The following SEMA6D variants were observed in gnomAD, a reference collection of about 807,000 sequenced individuals.
SEMA6D encodes the protein semaphorin-6D.
A neutral mutation model predicts 106.6 loss-of-function variants in SEMA6D; 35 were observed. The observed-to-expected ratio is 0.33, with a 90% CI of 0.25 to 0.44. The LOEUF is 0.44. SEMA6D is among the 20% of genes least tolerant of loss of function. The pLI, the probability that SEMA6D is intolerant of heterozygous loss-of-function variation, is 1.00. For synonymous variants in SEMA6D, 499 were observed against 487.7 expected, an observed-to-expected ratio of 1.02 and a Z score of -0.31; for missense variants, 1,185 against 1,345.9, an observed-to-expected ratio of 0.88 and a Z score of 1.87.
chr15:47,700,901 G>T (rs967050540), intron 4 of SEMA6D, among the ~76,000 whole-genome samples: 2 of 152,058 alleles, frequency 1.3e-5, no homozygotes, highest in African/African-American at 4.8e-5. Flanking sequence ...GTAACAACTG[G>T]ATACACACTT....
chr15:47,220,521 C>A (rs1452595365), intron 1 of SEMA6D, among the ~76,000 whole-genome samples: 1 of 152,172 alleles, frequency 6.6e-6, no homozygotes, highest in Non-Finnish European at 1.5e-5. Flanking sequence ...AACTGCTTGT[C>A]TGAGGAGTTT....
intron 4 of SEMA6D, among the ~76,000 whole-genome samples, chr15:47,636,433 G>A (rs2077390061): frequency 6.6e-6 from 1 of 152,098 alleles, no homozygotes; most frequent in Admixed American, 6.5e-5. Context: ...TTATGGTAGA[G>A]GTTCAGGCTG....
intron 1 of SEMA6D, among the ~76,000 whole-genome samples, chr15:47,270,410 ACAATTAAAATAGTTT>A (rs2034505023): frequency 3.9e-5 from 6 of 151,938 alleles, no homozygotes; most frequent in Admixed American, 3.9e-4. Flanking sequence ...ATACCATCTG[ACAATTAAAATAGTTT>A]TCTTTAAATC....
chr15:47,770,379 C>T, intron 18 of SEMA6D, 118 bp from the exon 19 acceptor site: 1 of 776,550 alleles, frequency 1.3e-6, no homozygotes, highest in Non-Finnish European at 2.0e-6. Context: ...TCTACTTGAC[C>T]CTCCGAGCTA....
At chr15:47,543,626 A>G (rs1330192243) in intron 3 of SEMA6D, among the ~76,000 whole-genome samples, 5 of 152,124 alleles carry the variant, frequency 3.3e-5, no homozygotes, top group Admixed American at 1.3e-4. Context: ...TACACCTACT[A>G]TGTCACCTAT....
intron 4 of SEMA6D, among the ~76,000 whole-genome samples, chr15:47,630,669 T>C (rs938963003): frequency 6.6e-6 from 1 of 151,960 alleles, no homozygotes; most frequent in Admixed American, 6.6e-5. Context: ...TCTTGCTTTG[T>C]TCTGACCCCT....
chr15:47,359,840 G>C (rs1656534142), intron 1 of SEMA6D: 1 of 152,106 alleles, frequency 6.6e-6, no homozygotes, highest in African/African-American at 2.4e-5. Context: ...GCATAGTTTT[G>C]AGGGGATCAA....
chr15:47,682,804 G>T (rs183745771), intron 4 of SEMA6D, among the ~76,000 whole-genome samples: 1 of 152,066 alleles, frequency 6.6e-6, no homozygotes, highest in African/African-American at 2.4e-5. Flanking sequence ...TCATTTGCCC[G>T]CAGTACGTAA....
Position 47,285,309 on chromosome 15 carries a change from G to A in SEMA6D, c.-239+100891G>A, listed in dbSNP as rs1186330581. Among the ~76,000 whole-genome samples the A allele has an allele frequency of 8.6e-5, 13 of 151,946 alleles. No homozygotes were observed. In the East Asian group the frequency reaches 1.9e-3, roughly 23 times the overall value. On this transcript the variant is annotated intron_variant, in intron 1 of 19. Coordinates refer to the SEMA6D transcript ENST00000558014. ...TTCTAGTGGCTGATTCAGAGTAGAGGAAATATATAATCTCCAGCAAGGACA... is the reference window on the plus strand; with the variant it reads ...TTCTAGTGGCTGATTCAGAGTAGAGAAAATATATAATCTCCAGCAAGGACA...
At chr15:47,189,897 A>G (rs1893847563) in intron 1 of SEMA6D, among the ~76,000 whole-genome samples, 2 of 152,232 alleles carry the variant, frequency 1.3e-5, no homozygotes, top group Admixed American at 6.5e-5. Context: ...TAAAATTTTC[A>G]TCAAATTAAT....
At position 47,355,989 on chromosome 15, in the gene SEMA6D, A is replaced by G. The variant is rs2038550223; in HGVS notation, c.-238-56404A>G. Among the ~76,000 whole-genome samples, 5 of 152,334 alleles carry G rather than the reference A, an allele frequency of 3.3e-5. No homozygotes were observed. The South Asian group carries it at 1.0e-3, about 32-fold the overall frequency. ...AGGCATAGTGAGCTCTGAGAATTTC[A>G]GAGCTCCAAAGAGGGACAGTCTAAC... On this transcript the variant is annotated intron_variant, in intron 1 of 19. Coordinates refer to the SEMA6D transcript ENST00000558014.
chr15:47,690,053 G>T (rs2078552903), intron 4 of SEMA6D, among the ~76,000 whole-genome samples: 1 of 152,190 alleles, frequency 6.6e-6, no homozygotes, highest in African/African-American at 2.4e-5. Flanking sequence ...TCTATGCAGG[G>T]GAGTGTTTCT....
At chr15:47,365,352 G>A (rs1229350054) in intron 1 of SEMA6D, among the ~76,000 whole-genome samples, 1 of 152,128 alleles carries the variant, frequency 6.6e-6, no homozygotes, top group African/African-American at 2.4e-5. Flanking sequence ...TCATGTCCCT[G>A]CCCTACAACA....
At chr15:47,209,503 C>T (rs1895339981) in intron 1 of SEMA6D, among the ~76,000 whole-genome samples, 2 of 152,026 alleles carry the variant, frequency 1.3e-5, no homozygotes, top group Admixed American at 1.3e-4. Context: ...AAAGTAATGC[C>T]CAAAGAATCA....
At chr15:47,557,669 G>T (rs1596314731) in intron 3 of SEMA6D, among the ~76,000 whole-genome samples, 1 of 152,254 alleles carries the variant, frequency 6.6e-6, no homozygotes, top group South Asian at 2.1e-4. Context: ...GAGTGTATTT[G>T]CTGGGTTTTG....
chr15:47,290,941 T>G (rs577950951), intron 1 of SEMA6D, among the ~76,000 whole-genome samples: 1 of 152,358 alleles, frequency 6.6e-6, no homozygotes, highest in South Asian at 2.1e-4. Flanking sequence ...GACATGGAAA[T>G]AGCCCTCTTA....
At chr15:47,216,021 G>T (rs2030559805) in intron 1 of SEMA6D, among the ~76,000 whole-genome samples, 2 of 152,074 alleles carry the variant, frequency 1.3e-5, no homozygotes, top group African/African-American at 4.8e-5. Flanking sequence ...AAAATGACAG[G>T]CAGTTCTTAT....
intron 3 of SEMA6D, among the ~76,000 whole-genome samples, chr15:47,493,589 T>C (rs1301872018): frequency 3.9e-5 from 6 of 152,158 alleles, no homozygotes; most frequent in African/African-American, 1.4e-4. Flanking sequence ...GTCATACATA[T>C]GTATGTGAGC....
intron 4 of SEMA6D, among the ~76,000 whole-genome samples, chr15:47,694,469 G>GA (rs2078658283): frequency 1.3e-5 from 2 of 151,926 alleles, no homozygotes; most frequent in East Asian, 1.9e-4. Context: ...CATACATTTA[G>GA]AAAAAAAGCT....
Sources: allele counts gnomAD v4.1 joint callset (sites outside exome capture counted in the v4.1 genomes callset), GRCh38; gene constraint gnomAD v4.1.1; transcripts MANE v1.5; gene names NCBI Gene and HGNC (gene_info 2026-07-23, HGNC 2026-07-21).